The following USP51 variants were observed in gnomAD, a reference collection of about 807,000 sequenced individuals.
USP51 encodes ubiquitin specific peptidase 51, also known as ubiquitin carboxyl-terminal hydrolase 51.
A neutral mutation model predicts 17.6 loss-of-function variants in USP51; 5 were observed. The ratio of observed to expected loss-of-function variants is 0.28; its 90% CI spans 0.15 to 0.60. The LOEUF (loss-of-function observed/expected upper bound fraction) is 0.60, where lower values mean the gene tolerates loss of function less well. USP51 is among the 20% of genes least tolerant of loss of function. The pLI is 0.88. For missense variants in USP51, 459 were observed against 559.5 expected (o/e 0.82, Z 1.81); for synonymous variants, 248 against 216.1 (o/e 1.15, Z -1.29).
chrX:55,489,566 G>A (rs2031393738), intron 1 of USP51, among the ~76,000 whole-genome samples: 1 of 111,800 alleles, frequency 8.9e-6, no homozygotes, highest in African/African-American at 3.3e-5. Flanking sequence ...GCTTTTTCGC[G>A]CTTGTGCTCT....
In USP51 at chrX:55,489,372, A is replaced by C. The variant is rs1418213449; in HGVS notation, c.-246-7T>G. On this transcript the variant is annotated splice_region_variant and splice_polypyrimidine_tract_variant and intron_variant, in intron 1 of 2. Transcript: ENST00000500968. Reference sequence around the variant, plus strand: ...GACGTTCTTTCCCTGTATCCTAAAAAACACTTGGGTCAACATTTTCTCTCC... The same window carrying C: ...GACGTTCTTTCCCTGTATCCTAAAACACACTTGGGTCAACATTTTCTCTCC... Among the ~76,000 whole-genome samples the C allele has an allele frequency of 1.1e-4, 13 of 113,206 alleles. No homozygotes were observed. In the Admixed American group the frequency reaches 1.2e-3, roughly 10 times the overall value.
rs761301000 is a variant in USP51 at position 55,488,782 on chromosome X, G to A, written c.158C>T (p.Ala53Val). ...TAATGGCTCCAGCTTCATCTCCTCG[G>A]CTTCACGTCTCGAAGACGCCTTCGT... ...GATKASSRRE[A>V]EEMKLEPLQE... The change falls in exon 3 of 3, where the codon GCC becomes GTC. Residue 53 changes from alanine to valine, a missense_variant. By Grantham distance (64) the Ala-to-Val change is moderately conservative. Around this residue, in one of 2 missense-constraint regions of USP51, gnomAD observed 232 missense variants for 194.0 expected, o/e 1.20. Transcript: ENST00000500968. 5.8e-6 allele frequency: 7 copies of A among 1,208,700 alleles called. No homozygotes were observed. In the African/African-American group the frequency reaches 1.2e-4, roughly 21 times the overall value.
chrX:55,486,291 T>C lies in USP51; in HGVS notation c.*513A>G, dbSNP rs1180830509. The C allele has an allele frequency of 2.7e-5, 3 of 112,291 alleles. No homozygotes were observed. The highest frequency in any genetic ancestry group is 6.4e-5 in the African/African-American group (2 of 31,022). The allele number at this position is 112,291 out of a possible 1,213,427, so 9.3% of individuals were successfully genotyped here. ...TTAAATTTTTTTCAACATTTAAAAG[T>C]TTTTTTCTTTTAAAATCTTAAAAAT... is the stretch of plus-strand genomic sequence containing the variant. On this transcript the variant is annotated 3_prime_UTR_variant, in exon 3 of 3. Coordinates refer to ENST00000500968, the MANE Select transcript of USP51 (RefSeq NM_201286.4).
Position 55,489,292 on chromosome X carries a change from C to T in USP51, c.-173G>A, listed in dbSNP as rs1467251369. ...GGAAACTTCTTTAAAAAAGGCGCCA[C>T]CCTCTGACTGCTTTTTTGCGCCCTG... On this transcript the variant is annotated 5_prime_UTR_variant, in exon 2 of 3. The change creates a new upstream start codon in the 5' untranslated region. Coordinates refer to ENST00000500968, the MANE Select transcript of USP51 (RefSeq NM_201286.4). The T allele has an allele frequency of 5.3e-6, 1 of 187,673 alleles. No homozygotes were observed. The highest frequency in any genetic ancestry group is 2.9e-5 in the African/African-American group (1 of 33,900). 15.5% of individuals were successfully genotyped at this position (187,673 alleles called of 1,213,427 possible). A position where few individuals can be genotyped will look rare whatever the true frequency, so the allele number is the denominator to read the frequency against.
In USP51 at chrX:55,487,172, T is replaced by G. The variant is rs2031331011; in HGVS notation, c.1768A>C (p.Ile590Leu). 2.5e-6 allele frequency: 3 copies of G among 1,210,121 alleles called. No individual in the cohort carries two copies. The highest frequency in any genetic ancestry group is 2.2e-5 in the Admixed American group (1 of 45,785). Residue 590 changes from isoleucine (I) to leucine (L), a missense_variant, in exon 3 of 3, where the codon ATT becomes CTT. Transcript: ENST00000500968. ...CGCTTGAGATGAAAACAAGCCACAA[T>G]GGGTAATTTTTTCATTGTGAGCTGT... ...TKQLTMKKLP[I>L]VACFHLKRFE...
rs1190408463 is a variant in USP51 at position 55,488,562 on chromosome X, A to C, written c.378T>G (p.Pro126=). ...SQPGLSAPPP[P]PARPPPPPPP... ...GCGGCGGGGGCGGGGGCCGGGCTGG[A>C]GGCGGGGGTGGGGCCGAGAGCCCAG... The change falls in exon 3 of 3, where the codon CCT becomes CCG. Residue 126 remains proline (P), a synonymous_variant. Transcript: ENST00000500968. 1 of 961,817 alleles carries C rather than the reference A, an allele frequency of 1.0e-6. No individual in the cohort carries two copies. The highest frequency in any genetic ancestry group is 1.3e-6 in the Non-Finnish European group (1 of 762,002). 79.3% of individuals were successfully genotyped at this position (961,817 alleles called of 1,213,427 possible).
In USP51 at chrX:55,486,960, A is replaced by G. The variant is rs771720439; in HGVS notation, c.1980T>C (p.Thr660=). 1 of 1,211,642 alleles carries G rather than the reference A, an allele frequency of 8.3e-7. No homozygotes were observed. The highest frequency in any genetic ancestry group is 1.8e-5 in the South Asian group (1 of 56,943). ...SLFAVINHHG[T]LESGHYTSFI... ...AGCTGGTATAGTGGCCACTTTCCAA[A>G]GTTCCATGGTGATTAATCACTGCAA... The change falls in exon 3 of 3, where the codon ACT becomes ACC. Residue 660 remains threonine (T), a synonymous_variant. Transcript: ENST00000500968.
rs1257875823 is a variant in USP51 at position 55,488,642 on chromosome X, G to T, written c.298C>A (p.Pro100Thr). ...GGCCGAGGGCGGGGCTTGCGGCGCG[G>T]GCAAACGGGCGAGGAGCTGCTGTGA... Reference protein sequence around the residue: ...RCHSSSSPVCPRRKPRPRPQP... With the variant: ...RCHSSSSPVCTRRKPRPRPQP... The change falls in exon 3 of 3, where the codon CCG becomes ACG. Residue 100 changes from proline (P) to threonine (T), a missense_variant. By Grantham distance (38) the Pro-to-Thr change is conservative. Transcript: ENST00000500968. 8.5e-7 allele frequency: 1 copy of T among 1,177,889 alleles called. No individual in the cohort carries two copies. The highest frequency in any genetic ancestry group is 3.1e-5 in the East Asian group (1 of 32,306).
rs1156832194 is a variant in USP51, at chrX:55,484,705, C to A, written c.*2099G>T. 8.9e-6 allele frequency: 1 copy of A among 112,237 alleles called. No individual in the cohort carries two copies. The highest frequency in any genetic ancestry group is 1.9e-5 in the Non-Finnish European group (1 of 53,292). 9.2% of individuals were successfully genotyped at this position (112,237 alleles called of 1,213,427 possible). A position where few individuals can be genotyped will look rare whatever the true frequency, so the allele number is the denominator to read the frequency against. ...CTCAGTGCAGAGGGGCAGACAATCA[C>A]AAAGCTACAATAAAATCACAGTAGA... On this transcript the variant is annotated 3_prime_UTR_variant, in exon 3 of 3. Transcript: ENST00000500968.
In USP51 at chrX:55,488,422, G is replaced by A; in HGVS notation, c.518C>T (p.Ser173Leu). ...RRSCSGDLDG[S>L]GDPGGLGDWL... ...GTCCCCTAAGCCGCCAGGATCCCCC[G>A]ACCCGTCTAGGTCACCAGAGCAGCT... The change falls in exon 3 of 3, where the codon TCG becomes TTG. Residue 173 changes from serine to leucine, a missense_variant. Physicochemically the swap from Ser to Leu is moderately radical, Grantham distance 145 (BLOSUM62 -2). Around this residue, in one of 2 missense-constraint regions of USP51, gnomAD observed 232 missense variants for 194.0 expected, o/e 1.20. Coordinates refer to ENST00000500968, the MANE Select transcript of USP51 (RefSeq NM_201286.4). 2 of 1,211,059 alleles carry A rather than the reference G, an allele frequency of 1.7e-6. No homozygotes were observed. Among genetic ancestry groups the A allele is most frequent in the Non-Finnish European group, 2.2e-6 (2 of 895,062 alleles).
At position 55,488,249 on chromosome X, in the gene USP51, C is replaced by T; in HGVS notation, c.691G>A (p.Ala231Thr). ...CATACGTGACAGATGCATGACTTTG[C>T]TTTACGTTTCCTAGTCTCTGGGGTC... ...SGTPETRKRKAKSCICHVCST... is the reference protein window; with the variant it reads ...SGTPETRKRKTKSCICHVCST... The change falls in exon 3 of 3, where the codon GCA (alanine) becomes ACA (threonine). Residue 231 changes from alanine (A) to threonine (T), a missense_variant. Physicochemically the swap from Ala to Thr is moderately conservative, Grantham distance 58. Around this residue, in one of 2 missense-constraint regions of USP51, gnomAD observed 227 missense variants for 365.5 expected, o/e 0.62. Transcript: ENST00000500968. 8.3e-7 allele frequency: 1 copy of T among 1,211,866 alleles called. No individual in the cohort carries two copies. Among genetic ancestry groups the T allele is most frequent in the Non-Finnish European group, 1.1e-6 (1 of 895,545 alleles).
rs1402066147 is a variant in USP51 at position 55,485,599 on chromosome X, A to G, written c.*1205T>C. ...TTCTTTCATACCCGTCTGTATTTTA[A>G]TATGCTTAAATAAAAAAATAGAACT... On this transcript the variant is annotated 3_prime_UTR_variant, in exon 3 of 3. Coordinates refer to ENST00000500968, the MANE Select transcript of USP51 (RefSeq NM_201286.4). 9.1e-6 allele frequency: 1 copy of G among 110,100 alleles called. No homozygotes were observed. Among genetic ancestry groups the G allele is most frequent in the Non-Finnish European group, 1.9e-5 (1 of 52,731 alleles). 9.1% of individuals were successfully genotyped at this position (110,100 alleles called of 1,213,427 possible).
At position 55,485,000 on chromosome X, in the gene USP51, A is replaced by G. The variant is rs2031293375; in HGVS notation, c.*1804T>C. The G allele has an allele frequency of 8.9e-6, 1 of 111,824 alleles. No homozygotes were observed. The highest frequency in any genetic ancestry group is 9.5e-5 in the Admixed American group (1 of 10,577). 9.2% of individuals were successfully genotyped at this position (111,824 alleles called of 1,213,427 possible). On this transcript the variant is annotated 3_prime_UTR_variant, in exon 3 of 3. Transcript: ENST00000500968. The stretch of plus-strand genomic sequence containing the variant: ...GGGAACTAGGCATGAGTGACAAAAA[A>G]AGGAAATAAAGAGGGAATAAAGAAT...
At chrX:55,489,715 T>C (rs1387459599) in intron 1 of USP51, among the ~76,000 whole-genome samples, 61 bp downstream of exon 1, 1 of 112,057 alleles carries the variant, frequency 8.9e-6, no homozygotes, top group Non-Finnish European at 1.9e-5. Context: ...TCCGCTCCCT[T>C]TTCCCTCTCC....
At position 55,486,776 on chromosome X, in the gene USP51, T is replaced by C; in HGVS notation, c.*28A>G. 8.7e-7 allele frequency: 1 copy of C among 1,153,286 alleles called. No homozygotes were observed. Among genetic ancestry groups the C allele is most frequent in the Non-Finnish European group, 1.2e-6 (1 of 868,088 alleles). On this transcript the variant is annotated 3_prime_UTR_variant, in exon 3 of 3. Coordinates refer to ENST00000500968, the MANE Select transcript of USP51 (RefSeq NM_201286.4). Reference sequence around the variant, plus strand: ...TCAAAATCCTTGCCTAATCATTTACTTTTTTTTCAGTAAGTGGTCTGGTAA... The same window carrying C: ...TCAAAATCCTTGCCTAATCATTTACCTTTTTTTCAGTAAGTGGTCTGGTAA...
At position 55,488,512 on chromosome X, in the gene USP51, C is replaced by A; in HGVS notation, c.428G>T (p.Arg143Leu). The A allele has an allele frequency of 9.0e-7, 1 of 1,115,641 alleles. No individual in the cohort carries two copies. Among genetic ancestry groups the A allele is most frequent in the Non-Finnish European group, 1.2e-6 (1 of 845,719 alleles). 91.9% of individuals were successfully genotyped at this position (1,115,641 alleles called of 1,213,427 possible). ...PPPPPPPPAPRPRAWRGSRRR... is the reference protein window; with the variant it reads ...PPPPPPPPAPLPRAWRGSRRR... ...CCGGGATCCACGCCAGGCCCTGGGC[C>A]GCGGTGCGGGTGGGGGCGGGGGTGG... The change falls in exon 3 of 3, where the codon CGG becomes CTG. Residue 143 changes from arginine (R) to leucine (L), a missense_variant. Arg to Leu is a moderately radical substitution (Grantham distance 102). Coordinates refer to ENST00000500968, the MANE Select transcript of USP51 (RefSeq NM_201286.4).
Position 55,488,104 on chromosome X carries a change from T to G in USP51, c.836A>C (p.Tyr279Ser). 8.2e-7 allele frequency: 1 copy of G among 1,212,228 alleles called. No individual in the cohort carries two copies. The highest frequency in any genetic ancestry group is 1.1e-6 in the Non-Finnish European group (1 of 895,599). Residue 279 changes from tyrosine to serine, a missense_variant, in exon 3 of 3, where the codon TAT (tyrosine) becomes TCT (serine). Tyr to Ser is a moderately radical substitution (Grantham distance 144). Coordinates refer to ENST00000500968, the MANE Select transcript of USP51 (RefSeq NM_201286.4). ...TKQHHLAVDLYHGVIYCFMCK... is the reference protein window; with the variant it reads ...TKQHHLAVDLSHGVIYCFMCK... ...CATGAAGCAATATATGACCCCATGA[T>G]AAAGGTCTACAGCTAAATGGTGCTG...
rs980770346 is a variant in USP51, at chrX:55,488,188, G to A, written c.752C>T (p.Ser251Phe). The A allele has an allele frequency of 5.0e-6, 6 of 1,211,712 alleles. No homozygotes were observed. The highest frequency in any genetic ancestry group is 3.0e-5 in the East Asian group (1 of 33,837). ...THMNRLHSCL[S>F]CVFFGCFTEK... ...AGTGAAGCAGCCAAAAAAGACACAGGAGAGACAAGAGTGGAGTCTGTTCAT... is the reference window on the plus strand; with the variant it reads ...AGTGAAGCAGCCAAAAAAGACACAGAAGAGACAAGAGTGGAGTCTGTTCAT... The change falls in exon 3 of 3, where the codon TCC becomes TTC. Residue 251 changes from serine (S) to phenylalanine (F), a missense_variant. Ser to Phe is a radical substitution (Grantham distance 155). Transcript: ENST00000500968.
In USP51 at chrX:55,488,741, C is replaced by T. The variant is rs748829149; in HGVS notation, c.199G>A (p.Ala67Thr). Reference sequence around the variant, plus strand: ...CTCCACGTCAAGTTCTCCTCCGGCGCGGGCTCACGCTCTTGTAATGGCTCC... The same window carrying T: ...CTCCACGTCAAGTTCTCCTCCGGCGTGGGCTCACGCTCTTGTAATGGCTCC... ...KLEPLQEREP[A>T]PEENLTWSSS... Residue 67 changes from alanine to threonine, a missense_variant, in exon 3 of 3, where the codon GCG becomes ACG. Ala to Thr is a moderately conservative substitution (Grantham distance 58, BLOSUM62 0). This residue lies in a region of USP51 where 232 missense variants were observed against 194.0 expected (regional missense o/e 1.20). Coordinates refer to ENST00000500968, the MANE Select transcript of USP51 (RefSeq NM_201286.4). The T allele has an allele frequency of 4.1e-6, 5 of 1,205,348 alleles. No homozygotes were observed. In the South Asian group the frequency reaches 7.0e-5, roughly 17 times the overall value.
Sources: gnomAD v4.1 joint callset for allele counts (sites outside exome capture counted in the v4.1 genomes callset) on GRCh38, gnomAD v4.1.1 for gene constraint, gnomAD v4.1.1 regional missense constraint, MANE v1.5 for transcripts, NCBI Gene and HGNC (gene_info 2026-07-23, HGNC 2026-07-21) for gene names.